Variants in ZNF536 observed in about 807,000 individuals in gnomAD.
The protein encoded by ZNF536 is zinc finger protein 536.
ZNF536 carries 13 observed loss-of-function variants against 84.5 expected under a neutral mutation model. The observed-to-expected ratio is 0.15, with a 90% CI of 0.10 to 0.24. The LOEUF (loss-of-function observed/expected upper bound fraction) is 0.24, where lower values mean the gene tolerates loss of function less well. Among genes scored for constraint, ZNF536 ranks in the 10% least tolerant of loss-of-function variants. ZNF536 has a pLI of 1.00. For synonymous variants in ZNF536, 811 were observed against 742.5 expected (o/e 1.09, Z -1.50); for missense variants, 1,536 against 1,747.5 (o/e 0.88, Z 2.16).
chr19:30,704,160 C>T (rs548964095), intron 1 of ZNF536, among the ~76,000 whole-genome samples: 4 of 152,160 alleles, frequency 2.6e-5, no homozygotes, highest in Non-Finnish European at 5.9e-5. Context: ...GGGGAGCTGG[C>T]AGGAGTGGGT....
At chr19:30,565,119 A>G (rs543338260) in intron 1 of ZNF536, among the ~76,000 whole-genome samples, 120 of 152,036 alleles carry the variant, frequency 7.9e-4, no homozygotes, top group African/African-American at 2.8e-3. Context: ...CTTTTTGCCA[A>G]AAGGAAAGCT....
chr19:30,485,301 G>A (rs892603728), intron 2 of ZNF536, among the ~76,000 whole-genome samples: 1 of 152,044 alleles, frequency 6.6e-6, no homozygotes, highest in Non-Finnish European at 1.5e-5. Context: ...CAGCTTTATT[G>A]AGATATAATT....
chr19:30,241,161 T>TA (rs925072874), intron 1 of ZNF536, among the ~76,000 whole-genome samples: 2 of 151,744 alleles, frequency 1.3e-5, no homozygotes, highest in African/African-American at 4.8e-5. Flanking sequence ...CTACAAATAA[T>TA]AAAAAAATTA....
At chr19:30,577,436 A>G (rs1279794366) in intron 1 of ZNF536, among the ~76,000 whole-genome samples, 2 of 152,222 alleles carry the variant, frequency 1.3e-5, no homozygotes, top group Non-Finnish European at 1.5e-5. Context: ...GGACAGAGAT[A>G]GTAAATTAGA....
At chr19:30,386,847 C>T (rs1182030953) in intron 1 of ZNF536, among the ~76,000 whole-genome samples, 4 of 152,198 alleles carry the variant, frequency 2.6e-5, no homozygotes, top group African/African-American at 4.8e-5. Flanking sequence ...ATTAGCCCTG[C>T]GTTTCACAGA....
At chr19:30,533,582 C>T (rs918669759) in intron 2 of ZNF536, among the ~76,000 whole-genome samples, 5 of 152,050 alleles carry the variant, frequency 3.3e-5, no homozygotes, top group Admixed American at 2.0e-4. Flanking sequence ...ACAAGTCTGC[C>T]GCTTTTGGCT....
intron 2 of ZNF536, among the ~76,000 whole-genome samples, chr19:30,504,479 T>C (rs1183289354): frequency 3.1e-5 from 3 of 95,674 alleles, no homozygotes; most frequent in African/African-American, 4.3e-5. Flanking sequence ...TCCCATCCTC[T>C]CTCCCTTCCT....
chr19:30,708,091 C>T (rs182294661), intron 1 of ZNF536, among the ~76,000 whole-genome samples: 1 of 152,102 alleles, frequency 6.6e-6, no homozygotes, highest in African/African-American at 2.4e-5. Context: ...TTAATAATTC[C>T]TGACTACCTG....
chr19:30,503,777 C>T (rs1483461847), intron 2 of ZNF536, among the ~76,000 whole-genome samples: 1 of 152,142 alleles, frequency 6.6e-6, no homozygotes, highest in East Asian at 1.9e-4. Flanking sequence ...TCTCAAAACT[C>T]TTTGCCTCCC....
intron 2 of ZNF536, among the ~76,000 whole-genome samples, chr19:30,293,607 C>CTTT (rs2045909803): frequency 2.0e-5 from 3 of 152,188 alleles, no homozygotes; most frequent in African/African-American, 7.2e-5. Context: ...TTTTCATGAA[C>CTTT]TTTTGGCTGT....
intron 1 of ZNF536, among the ~76,000 whole-genome samples, chr19:30,670,229 C>T (rs2050493046): frequency 6.6e-6 from 1 of 152,188 alleles, no homozygotes; most frequent in African/African-American, 2.4e-5. Flanking sequence ...GGCCCAGCCT[C>T]AGGCTTCCTC....
chr19:30,628,407 A>C (rs1251077734), intron 1 of ZNF536, among the ~76,000 whole-genome samples: 1 of 149,774 alleles, frequency 6.7e-6, no homozygotes, highest in Non-Finnish European at 1.5e-5. Flanking sequence ...CACGCTGCAG[A>C]GCTCCAGCTC....
intron 3 of ZNF536, among the ~76,000 whole-genome samples, chr19:30,356,123 C>A (rs1600362120): frequency 2.0e-5 from 3 of 152,222 alleles, no homozygotes; most frequent in Admixed American, 1.3e-4. Context: ...CATGTCCCAC[C>A]ACAATGTAGA....
chr19:30,591,126 G>A (rs1470723873), intron 1 of ZNF536, among the ~76,000 whole-genome samples: 1 of 152,214 alleles, frequency 6.6e-6, no homozygotes, highest in Non-Finnish European at 1.5e-5. Flanking sequence ...TTTGGTGGAA[G>A]AGAATTCAGA....
upstream of ZNF536, among the ~76,000 whole-genome samples, chr19:30,226,640 C>T (rs557439786): frequency 2.0e-5 from 3 of 152,236 alleles, no homozygotes. The surrounding 1 kb of genome is among the most constrained non-coding windows in gnomAD (Gnocchi z 4.6). Context: ...CCAGCCGGGC[C>T]TCGGCCTGGG....
chr19:30,278,176 A>C (rs567917503), intron 1 of ZNF536, among the ~76,000 whole-genome samples: 49 of 152,328 alleles, frequency 3.2e-4, no homozygotes, highest in African/African-American at 1.2e-3. Flanking sequence ...CGTGGGGATC[A>C]CATGGAGAAG....
At chr19:30,280,193 T>C (rs1358408429) in intron 1 of ZNF536, among the ~76,000 whole-genome samples, 1 of 152,060 alleles carries the variant, frequency 6.6e-6, no homozygotes, top group Non-Finnish European at 1.5e-5. Context: ...CACCCTTCCA[T>C]CTGCCCCTTT....
chr19:30,335,399 G>A (rs2047350036), intron 2 of ZNF536, among the ~76,000 whole-genome samples: 1 of 152,102 alleles, frequency 6.6e-6, no homozygotes, highest in Non-Finnish European at 1.5e-5. Flanking sequence ...CCCCAGCCTG[G>A]TACACATCCC....
intron 1 of ZNF536, among the ~76,000 whole-genome samples, chr19:30,374,314 A>G (rs1284650796): frequency 1.3e-5 from 2 of 152,026 alleles, no homozygotes; most frequent in Non-Finnish European, 2.9e-5. Context: ...AAATATATAT[A>G]TCTTAAATCT....
Sources: allele counts gnomAD v4.1 joint callset (sites outside exome capture counted in the v4.1 genomes callset), GRCh38; gene constraint gnomAD v4.1.1; non-coding constraint Gnocchi (gnomAD v3.1); transcripts MANE v1.5; gene names NCBI Gene and HGNC (gene_info 2026-07-23, HGNC 2026-07-21).